The following SOX6 variants were observed in gnomAD, a reference collection of about 807,000 sequenced individuals.
SOX6 encodes the protein transcription factor SOX-6.
Under a neutral mutation model 97.8 loss-of-function variants are expected in SOX6, and 11 were observed. The ratio of observed to expected loss-of-function variants is 0.11; its 90% CI spans 0.07 to 0.19. The LOEUF (loss-of-function observed/expected upper bound fraction) is 0.19. Ranked by LOEUF, SOX6 falls within the 10% of genes least tolerant of loss-of-function variation. The pLI, the probability that SOX6 is intolerant of heterozygous loss-of-function variation, is 1.00. For missense variants in SOX6, 810 were observed against 1,039.5 expected, an observed-to-expected ratio of 0.78 and a Z score of 3.04; for synonymous variants, 360 against 371.4, an observed-to-expected ratio of 0.97 and a Z score of 0.35.
At chr11:16,293,200 C>T (rs1854966143) in intron 3 of SOX6, among the ~76,000 whole-genome samples, 1 of 152,100 alleles carries the variant, frequency 6.6e-6, no homozygotes, top group Non-Finnish European at 1.5e-5. Context: ...ATCATGTTCT[C>T]ACACTGAATA....
At chr11:16,648,614 C>T (rs140249477) in intron 3 of SOX6, among the ~76,000 whole-genome samples, 5 of 152,266 alleles carry the variant, frequency 3.3e-5, no homozygotes, top group African/African-American at 1.2e-4. Context: ...ACCCTGATCC[C>T]AGGAAGAAGA....
At chr11:16,425,551 C>T (rs2133069288) in intron 1 of SOX6, among the ~76,000 whole-genome samples, 1 of 152,182 alleles carries the variant, frequency 6.6e-6, no homozygotes, top group Admixed American at 6.5e-5. Context: ...CAACATGATC[C>T]TACATCTAGA....
intron 1 of SOX6, among the ~76,000 whole-genome samples, chr11:16,420,977 G>T (rs1164245906): frequency 6.6e-6 from 1 of 152,062 alleles, no homozygotes; most frequent in Admixed American, 6.6e-5. Flanking sequence ...GGTAAAAAGG[G>T]CCAAACTAGT....
intron 4 of SOX6, among the ~76,000 whole-genome samples, chr11:16,529,210 G>A (rs1181146028): frequency 1.3e-5 from 2 of 152,048 alleles, no homozygotes; most frequent in Admixed American, 6.6e-5. Context: ...TATTATGCCA[G>A]CAGAAAATTG....
intron 6 of SOX6, among the ~76,000 whole-genome samples, chr11:16,168,817 A>G (rs1850954623): frequency 6.6e-6 from 1 of 152,164 alleles, no homozygotes; most frequent in Non-Finnish European, 1.5e-5. Context: ...ACAACTGCTA[A>G]TAGCATATGA....
intron 2 of SOX6, among the ~76,000 whole-genome samples, chr11:16,723,359 G>A (rs756859208): frequency 1.3e-5 from 2 of 152,082 alleles, no homozygotes; most frequent in African/African-American, 2.4e-5. Context: ...AAGAGGAGCC[G>A]AGAAGATAAC....
At position 16,311,178 on chromosome 11, in the gene SOX6, T is replaced by G. The variant is rs540364869; in HGVS notation, c.445+7268A>C. 12 of 152,258 alleles carry G rather than the reference T, an allele frequency of 7.9e-5. No homozygotes were observed. In the South Asian group the frequency reaches 2.5e-3, roughly 32 times the overall value. 9.4% of individuals were successfully genotyped at this position (152,258 alleles called of 1,614,324 possible). On this transcript the variant is annotated intron_variant, in intron 3 of 15. Transcript: ENST00000683767. ...AACATCATTGCTGCCAAATGCTAAA[T>G]CCCTTAACACCATGGGACATTTCCT... is the stretch of plus-strand genomic sequence containing the variant.
chr11:16,496,797 G>A (rs552334135), intron 4 of SOX6, among the ~76,000 whole-genome samples: 2 of 152,334 alleles, frequency 1.3e-5, no homozygotes, highest in Non-Finnish European at 2.9e-5. Context: ...GCTGAGGCTT[G>A]AGTAGGTAAA....
At chr11:16,001,280 G>A (rs184273170) in intron 13 of SOX6, among the ~76,000 whole-genome samples, 1 of 152,284 alleles carries the variant, frequency 6.6e-6, no homozygotes, top group Admixed American at 6.5e-5. Context: ...GCTGTGCTAA[G>A]TAACTTTGCA....
chr11:15,990,888 C>T lies in SOX6; in HGVS notation c.1733-1658G>A, dbSNP rs150262947. ...CCAACATGATTCAATCAATCTCTGG[C>T]CCTTCCTCTCTATTTTTAGATACCT... On this transcript the variant is annotated intron_variant, in intron 13 of 15. Coordinates refer to ENST00000683767, the MANE Select transcript of SOX6 (RefSeq NM_001367873.1). 3.8e-3 allele frequency among the ~76,000 whole-genome samples: 581 copies of T among 152,244 alleles called. 2 individuals are homozygous for T. Among genetic ancestry groups the T allele is most frequent in the Non-Finnish European group, 4.6e-3 (313 of 68,008 alleles).
chr11:16,288,049 C>T (rs1854803539), intron 3 of SOX6, among the ~76,000 whole-genome samples: 1 of 152,122 alleles, frequency 6.6e-6, no homozygotes, highest in African/African-American at 2.4e-5. Context: ...CTTTGTGCTG[C>T]CTTTCATACT....
At chr11:16,217,432 C>T (rs1565026727) in intron 4 of SOX6, among the ~76,000 whole-genome samples, 1 of 151,926 alleles carries the variant, frequency 6.6e-6, no homozygotes, top group Non-Finnish European at 1.5e-5. Context: ...TAGTAAAAAC[C>T]TACCTATTTA....
intron 4 of SOX6, among the ~76,000 whole-genome samples, chr11:16,601,881 G>T (rs770732312): frequency 2.0e-5 from 3 of 151,992 alleles, no homozygotes; most frequent in Admixed American, 2.0e-4. Context: ...AGAAAGATTT[G>T]CCAGTTAGGT....
intron 13 of SOX6, among the ~76,000 whole-genome samples, chr11:15,997,656 A>G (rs1854266381): frequency 6.6e-6 from 1 of 152,192 alleles, no homozygotes; most frequent in African/African-American, 2.4e-5. Flanking sequence ...TGCTCAGGAA[A>G]TTAGTATTAA....
chr11:16,583,773 T>C (rs375746707), intron 4 of SOX6, among the ~76,000 whole-genome samples: 1 of 151,604 alleles, frequency 6.6e-6, no homozygotes, highest in African/African-American at 2.4e-5. Flanking sequence ...TTTGACTAGA[T>C]ACCAAACAAT....
intron 3 of SOX6, among the ~76,000 whole-genome samples, chr11:16,630,978 T>C (rs1848699347): frequency 6.6e-6 from 1 of 151,216 alleles, no homozygotes; most frequent in South Asian, 2.1e-4. Flanking sequence ...ATGGATGTTG[T>C]TATGTGTGAG....
chr11:16,680,470 G>A (rs1164347568), intron 3 of SOX6, among the ~76,000 whole-genome samples: 4 of 152,124 alleles, frequency 2.6e-5, no homozygotes, highest in Admixed American at 2.6e-4. Flanking sequence ...ACTAAACATG[G>A]AAAGGAACAA....
At chr11:16,409,309 A>C (rs1858748717) in intron 1 of SOX6, among the ~76,000 whole-genome samples, 1 of 148,406 alleles carries the variant, frequency 6.7e-6, no homozygotes, top group Non-Finnish European at 1.5e-5. Flanking sequence ...AAAAACAGGC[A>C]GAGGATTGGG....
At chr11:16,215,359 C>T (rs1242233139) in intron 4 of SOX6, among the ~76,000 whole-genome samples, 2 of 152,116 alleles carry the variant, frequency 1.3e-5, no homozygotes, top group African/African-American at 4.8e-5. Context: ...TTAACTATTT[C>T]TCAAAGTTTT....
Sources: gnomAD v4.1 joint callset for allele counts (sites outside exome capture counted in the v4.1 genomes callset) on GRCh38, gnomAD v4.1.1 for gene constraint, MANE v1.5 for transcripts, NCBI Gene and HGNC (gene_info 2026-07-23, HGNC 2026-07-21) for gene names.